CD96: variants seen among roughly 807,000 people sequenced by gnomAD.
CD96 encodes CD96 molecule, also known as T-cell surface protein tactile.
A neutral mutation model predicts 71.3 loss-of-function variants in CD96; 70 were observed. That is an observed-to-expected ratio of 0.98 (90% CI 0.81 to 1.20). The LOEUF (loss-of-function observed/expected upper bound fraction) is 1.20, where lower values mean the gene tolerates loss of function less well. CD96 is among the 50% of genes most tolerant of loss of function. CD96 has a pLI of 0.00. For missense variants in CD96, 742 were observed against 677.5 expected, an observed-to-expected ratio of 1.10 and a Z score of -1.06; for synonymous variants, 248 against 233.0, an observed-to-expected ratio of 1.06 and a Z score of -0.59.
chr3:111,587,780 G>A (rs1256606682), intron 5 of CD96, among the ~76,000 whole-genome samples: 1 of 152,206 alleles, frequency 6.6e-6, no homozygotes, highest in Non-Finnish European at 1.5e-5. Flanking sequence ...CCACGTGGAA[G>A]CTTCCAAGGC....
At chr3:111,662,958 A>G (rs1455926993) in intron 14 of CD96, among the ~76,000 whole-genome samples, 3 of 152,206 alleles carry the variant, frequency 2.0e-5, no homozygotes, top group Non-Finnish European at 2.9e-5. Flanking sequence ...GTATTAGTCC[A>G]TTCTCACACT....
Position 111,618,074 on chromosome 3 carries a change from T to C in CD96, c.1181-5680T>C, listed in dbSNP as rs145212458. 7.6e-3 allele frequency among the ~76,000 whole-genome samples: 1,152 copies of C among 152,364 alleles called. 17 individuals carry two copies. Among genetic ancestry groups the C allele is most frequent in the African/African-American group, 0.026 (1,093 of 41,592 alleles). On this transcript the variant is annotated intron_variant, in intron 8 of 13. Transcript: ENST00000352690. ...TGCTGGAGCCTGGAGATTCCCACCC[T>C]GCCTCAGCAGCCAGTGTGCCTGGCT...
chr3:111,593,950 C>T, intron 5 of CD96: 1 of 1,614,104 alleles, frequency 6.2e-7, no homozygotes. Context: ...CACGGCTCAC[C>T]TGCCTGCCAC....
intron 7 of CD96, among the ~76,000 whole-genome samples, chr3:111,603,972 G>A (rs868450245): frequency 3.3e-5 from 5 of 152,096 alleles, no homozygotes; most frequent in Admixed American, 6.5e-5. Context: ...ATCACCCAGG[G>A]ATCTTGCTAA....
intron 8 of CD96, among the ~76,000 whole-genome samples, chr3:111,613,430 G>A (rs1272645960): frequency 6.6e-6 from 1 of 152,130 alleles, no homozygotes; most frequent in Non-Finnish European, 1.5e-5. Flanking sequence ...TTTTATGCAG[G>A]GTTTAGATTT....
At chr3:111,547,178 A>G (rs1387055922) in intron 2 of CD96, among the ~76,000 whole-genome samples, 1 of 152,198 alleles carries the variant, frequency 6.6e-6, no homozygotes, top group Non-Finnish European at 1.5e-5. Flanking sequence ...TGGTGATTAA[A>G]TGAGATAATC....
intron 10 of CD96, among the ~76,000 whole-genome samples, chr3:111,630,817 A>T (rs182285268): frequency 1.4e-4 from 21 of 152,360 alleles, no homozygotes; most frequent in Admixed American, 1.3e-3. Context: ...ACCATGATCA[A>T]GTTGGCTTCA....
At chr3:111,570,490 G>C (rs72622321) in intron 3 of CD96, 1 of 761,346 alleles carries the variant, frequency 1.3e-6, no homozygotes, top group African/African-American at 1.8e-5. Flanking sequence ...AGGGGTCACA[G>C]TGGAGCCACC....
At position 111,637,991 on chromosome 3, in the gene CD96, T is replaced by C. The variant is rs546296486; in HGVS notation, c.1388-88T>C. 14 of 819,000 alleles carry C rather than the reference T, an allele frequency of 1.7e-5. No individual in the cohort carries two copies. The South Asian group carries it at 1.9e-4, about 11-fold the overall frequency. The allele number at this position is 819,000 out of a possible 1,614,324, so 50.7% of individuals were successfully genotyped here. ...ACTTAGACAATTTAAATTGAGTTCT[T>C]TCAAATAACATATGAAACCCAATCA... On this transcript the variant is annotated intron_variant, in intron 11 of 13. Transcript: ENST00000352690.
chr3:111,594,331 G>C, intron 5 of CD96: 1 of 1,152,694 alleles, frequency 8.7e-7, no homozygotes, highest in Non-Finnish European at 1.2e-6. Flanking sequence ...AATGGCCAAA[G>C]TCTGGCCACA....
chr3:111,572,970 G>A (rs907345470), intron 3 of CD96, among the ~76,000 whole-genome samples: 1 of 152,148 alleles, frequency 6.6e-6, no homozygotes, highest in Admixed American at 6.5e-5. Context: ...AGGTGCAAAT[G>A]GACAGTGTAT....
chr3:111,602,035 G>A (rs1411872911), intron 7 of CD96, among the ~76,000 whole-genome samples: 3 of 152,164 alleles, frequency 2.0e-5, no homozygotes, highest in Non-Finnish European at 4.4e-5. Flanking sequence ...AAATTGTGAT[G>A]TATTTACACT....
At chr3:111,649,627 CAT>C (rs1301971897) in intron 13 of CD96, 69 bp from the exon 14 acceptor site, 8 of 919,718 alleles carry the variant, frequency 8.7e-6, no homozygotes, top group African/African-American at 4.9e-5. Flanking sequence ...AGAAACAACA[CAT>C]GTCTGTGTGT....
chr3:111,586,443 T>C (rs1936718249), intron 5 of CD96, among the ~76,000 whole-genome samples: 1 of 152,236 alleles, frequency 6.6e-6, no homozygotes, highest in South Asian at 2.1e-4. Context: ...GAAAAATATC[T>C]TCCAAGTAGT....
chr3:111,591,034 A>G (rs944790203), intron 5 of CD96, among the ~76,000 whole-genome samples: 3 of 152,340 alleles, frequency 2.0e-5, no homozygotes, highest in Non-Finnish European at 4.4e-5. Flanking sequence ...TTTGGGGTTA[A>G]GTTGCCTACA....
rs1256030105 is a variant in CD96, at chr3:111,651,042, T to G, written c.*1236T>G. The G allele has an allele frequency of 6.6e-6, 1 of 152,224 alleles. No individual in the cohort carries two copies. The highest frequency in any genetic ancestry group is 2.4e-5 in the African/African-American group (1 of 41,460). 9.4% of individuals were successfully genotyped at this position (152,224 alleles called of 1,614,324 possible). ...TGCCTTGTGCAGAGTTATTTGGAGA[T>G]TATGTCTTTTTCTTAAACACCATGG... On this transcript the variant is annotated 3_prime_UTR_variant, in exon 14 of 14. Transcript: ENST00000352690.
intron 4 of CD96, among the ~76,000 whole-genome samples, chr3:111,581,336 C>T (rs1022607658): frequency 1.3e-5 from 2 of 152,170 alleles, no homozygotes; most frequent in African/African-American, 4.8e-5. Context: ...TATTGTGGCC[C>T]TGACCACATA....
chr3:111,572,014 C>T (rs1936006180), intron 3 of CD96, among the ~76,000 whole-genome samples: 1 of 152,182 alleles, frequency 6.6e-6, no homozygotes, highest in Non-Finnish European at 1.5e-5. Flanking sequence ...CACATTCATG[C>T]AAGTGCAGAA....
Position 111,650,218 on chromosome 3 carries a change from T to C in CD96, c.*412T>C. ...ACTCTTTGCCAAAATCCTGGGGCTT[T>C]GCTGCATTCCCTAAGATAATTACAG... On this transcript the variant is annotated 3_prime_UTR_variant, in exon 14 of 14. Coordinates refer to ENST00000352690, the MANE Select transcript of CD96 (RefSeq NM_005816.5). 4.9e-6 allele frequency: 1 copy of C among 204,654 alleles called. No homozygotes were observed. Among genetic ancestry groups the C allele is most frequent in the South Asian group, 8.9e-5 (1 of 11,250 alleles). 12.7% of individuals were successfully genotyped at this position (204,654 alleles called of 1,614,324 possible).
Sources: gnomAD v4.1 joint callset for allele counts (sites outside exome capture counted in the v4.1 genomes callset) on GRCh38, gnomAD v4.1.1 for gene constraint, MANE v1.5 for transcripts, NCBI Gene and HGNC (gene_info 2026-07-23, HGNC 2026-07-21) for gene names.